Variants in ZNF236 observed in about 807,000 individuals in gnomAD.
ZNF236 encodes the protein regulated by glucose.
Under a neutral mutation model 191.2 loss-of-function variants are expected in ZNF236, and 50 were observed. That is an observed-to-expected ratio of 0.26 (90% CI 0.21 to 0.33). The LOEUF is 0.33. ZNF236 is among the 10% of genes least tolerant of loss of function. ZNF236 has a pLI of 1.00. For missense variants in ZNF236, 1,754 were observed against 2,374.5 expected, an observed-to-expected ratio of 0.74 and a Z score of 5.43; for synonymous variants, 907 against 928.8, an observed-to-expected ratio of 0.98 and a Z score of 0.43.
chr18:76,908,621 G>A, intron 14 of ZNF236, 48 bp downstream of exon 14: 2 of 1,559,014 alleles, frequency 1.3e-6, no homozygotes, highest in Non-Finnish European at 1.7e-6. Context: ...GCAGAGTTTT[G>A]CAGCCTTTCC....
At chr18:76,855,121 G>A (rs191985739) in intron 3 of ZNF236, among the ~76,000 whole-genome samples, 50 of 152,082 alleles carry the variant, frequency 3.3e-4, no homozygotes, top group African/African-American at 1.2e-3. Flanking sequence ...ACGGGGTTTC[G>A]CCATGTTGGC....
intron 19 of ZNF236, among the ~76,000 whole-genome samples, chr18:76,917,896 C>T (rs1051220177): frequency 2.0e-5 from 3 of 152,102 alleles, no homozygotes; most frequent in Non-Finnish European, 2.9e-5. Context: ...ACATTGAATC[C>T]ACTGGCTTTA....
At chr18:76,929,549 TC>T (rs1967794858) in intron 25 of ZNF236, among the ~76,000 whole-genome samples, 1 of 152,220 alleles carries the variant, frequency 6.6e-6, no homozygotes, top group African/African-American at 2.4e-5. Context: ...CCTCTGTTCT[TC>T]CTGTGTGTTA....
intron 26 of ZNF236, among the ~76,000 whole-genome samples, chr18:76,941,856 CT>C: frequency 6.6e-6 from 1 of 152,188 alleles, no homozygotes; most frequent in African/African-American, 2.4e-5. Flanking sequence ...TTATTTGAAT[CT>C]TTTTTCTATT....
chr18:76,959,335 G>C (rs1968603903), intron 28 of ZNF236, among the ~76,000 whole-genome samples: 1 of 152,178 alleles, frequency 6.6e-6, no homozygotes, highest in Non-Finnish European at 1.5e-5. Flanking sequence ...ACAGCCAACG[G>C]AGAGAGCTCA....
rs370487368 is a variant in ZNF236, at chr18:76,925,454, C to T, written c.3927C>T (p.Asn1309=). 2.6e-4 allele frequency: 412 copies of T among 1,614,088 alleles called. No homozygotes were observed. Among genetic ancestry groups the T allele is most frequent in the East Asian group, 3.8e-4 (17 of 44,900 alleles). ...NLLNSSSTDP[N]VFIMNNSVLT... is the part of the protein sequence containing the mutation. ...TCAACTCCTCCTCTACTGACCCAAA[C>T]GTGTTTATCATGAACAACTCTGTTC... Residue 1309 remains asparagine (N), a synonymous_variant, in exon 22 of 31, where the codon AAC becomes AAT. Transcript: ENST00000320610. This position sits in a 1 kb window ranked among gnomAD's most constrained non-coding sequence, Gnocchi z 5.7.
At position 76,960,027 on chromosome 18, in the gene ZNF236, A is replaced by G. The variant is rs756920282; in HGVS notation, c.5242+211A>G. On this transcript the variant is annotated intron_variant, in intron 29 of 30. Transcript: ENST00000320610. This position sits in a 1 kb window ranked among gnomAD's most constrained non-coding sequence, Gnocchi z 4.4. ...AGATTTTGCTGCTTACATTATGACC[A>G]TATGAAACAGAAGCATCAGGCAAGC... Among the ~76,000 whole-genome samples, 7 of 152,190 alleles carry G rather than the reference A, an allele frequency of 4.6e-5. No homozygotes were observed. The highest frequency in any genetic ancestry group is 3.3e-4 in the Admixed American group (5 of 15,280).
intron 16 of ZNF236, among the ~76,000 whole-genome samples, chr18:76,911,508 CTG>C (rs1030674138): frequency 3.9e-5 from 6 of 152,222 alleles, no homozygotes; most frequent in Middle Eastern, 3.2e-3. Flanking sequence ...CTAAATAAAA[CTG>C]TGCAAATCCA....
At position 76,881,396 on chromosome 18, in the gene ZNF236, T is replaced by C; in HGVS notation, c.1301T>C (p.Val434Ala). The C allele has an allele frequency of 1.2e-6, 2 of 1,613,926 alleles. No individual in the cohort carries two copies. Among genetic ancestry groups the C allele is most frequent in the Non-Finnish European group, 1.7e-6 (2 of 1,180,000 alleles). ...GCTCAAAACCCAGATGTTTCCAGCG[T>C]TTCAAATGAGCAGACGGACCCCACA... The part of the protein sequence containing the change: ...PHAQNPDVSS[V>A]SNEQTDPTDA... The change falls in exon 9 of 31, where the codon GTT becomes GCT. Residue 434 changes from valine (V) to alanine (A), a missense_variant. By Grantham distance (64) the Val-to-Ala change is moderately conservative. Coordinates refer to ENST00000320610, the MANE Select transcript of ZNF236 (RefSeq NM_001306089.2).
In ZNF236 at chr18:76,969,151, C is replaced by T. The variant is rs138160476; in HGVS notation, c.*812C>T. ...AGAACCGTCTGCAAGGAGCAAGCAA[C>T]GGTGGCCCTGTCCACCCCAGCAAAT... On this transcript the variant is annotated 3_prime_UTR_variant, in exon 31 of 31. Transcript: ENST00000320610. The T allele has an allele frequency of 6.7e-4, 150 of 222,890 alleles. No homozygotes were observed. The highest frequency in any genetic ancestry group is 9.8e-4 in the Non-Finnish European group (130 of 132,038). 13.8% of individuals were successfully genotyped at this position (222,890 alleles called of 1,614,324 possible). A position where few individuals can be genotyped will look rare whatever the true frequency, so the allele number is the denominator to read the frequency against.
chr18:76,937,823 G>C (rs542055066), intron 26 of ZNF236, among the ~76,000 whole-genome samples: 3 of 152,080 alleles, frequency 2.0e-5, no homozygotes, highest in African/African-American at 7.2e-5. Flanking sequence ...GTGCCAAAGG[G>C]GTGTACATTT....
chr18:76,877,229 C>T (rs1976741359), intron 6 of ZNF236, among the ~76,000 whole-genome samples: 1 of 152,136 alleles, frequency 6.6e-6, no homozygotes, highest in African/African-American at 2.4e-5. Flanking sequence ...AGTTGTTAGG[C>T]CAGGTGTGGT....
chr18:76,826,795 G>T (rs1364845931), intron 1 of ZNF236, among the ~76,000 whole-genome samples: 1 of 136,224 alleles, frequency 7.3e-6, no homozygotes, highest in Admixed American at 7.3e-5. Context: ...GGGAGACTCA[G>T]TCTCAAAAAA....
chr18:76,966,051 G>T (rs565561230), intron 30 of ZNF236, among the ~76,000 whole-genome samples: 1 of 152,308 alleles, frequency 6.6e-6, no homozygotes, highest in East Asian at 1.9e-4. Flanking sequence ...CCTTGGGCGG[G>T]TCTTGCTGTG....
intron 9 of ZNF236, 139 bp downstream of exon 9, chr18:76,881,651 A>G (rs1257032169): frequency 2.6e-6 from 2 of 770,608 alleles, no homozygotes; most frequent in Non-Finnish European, 2.0e-6. Context: ...GTTGGTTGGT[A>G]TTTAAAATTA....
intron 20 of ZNF236, among the ~76,000 whole-genome samples, chr18:76,921,539 G>A (rs1282639591): frequency 2.0e-5 from 3 of 152,124 alleles, no homozygotes; most frequent in African/African-American, 7.2e-5. Context: ...TTTTCCAGTA[G>A]GGGTTAGTGG....
chr18:76,829,638 G>A (rs17573103), intron 1 of ZNF236, among the ~76,000 whole-genome samples: 24,284 of 152,074 alleles, frequency 0.16, 2,400 homozygotes, highest in Middle Eastern at 0.24. Context: ...GTTTATGATT[G>A]CTAAGAGAAG....
At chr18:76,917,957 C>T (rs1254536121) in intron 19 of ZNF236, among the ~76,000 whole-genome samples, 1 of 152,148 alleles carries the variant, frequency 6.6e-6, no homozygotes, top group African/African-American at 2.4e-5. Context: ...CTTTGCTCCC[C>T]TCTCTTTCTT....
At chr18:76,944,763 CAG>C (rs1968216747) in intron 26 of ZNF236, among the ~76,000 whole-genome samples, 2 of 152,070 alleles carry the variant, frequency 1.3e-5, no homozygotes, top group African/African-American at 2.4e-5. Flanking sequence ...GCCTGGGTAA[CAG>C]AGCACGACTC....
Sources: gnomAD v4.1 joint callset for allele counts (sites outside exome capture counted in the v4.1 genomes callset) on GRCh38, gnomAD v4.1.1 for gene constraint, Gnocchi (gnomAD v3.1) non-coding constraint, MANE v1.5 for transcripts, NCBI Gene and HGNC (gene_info 2026-07-23, HGNC 2026-07-21) for gene names.